ZFYVE16: variants seen among roughly 807,000 people sequenced by gnomAD.
The protein encoded by ZFYVE16 is zinc finger FYVE-type containing 16.
Under a neutral mutation model 138.1 loss-of-function variants are expected in ZFYVE16, and 89 were observed. That is an observed-to-expected ratio of 0.64 (90% confidence interval 0.54 to 0.77). ZFYVE16 has a LOEUF of 0.77. ZFYVE16 is among the 30% of genes least tolerant of loss of function. The pLI, the probability that ZFYVE16 is intolerant of heterozygous loss-of-function variation, is 0.00. For missense variants in ZFYVE16, 1,793 were observed against 1,786.7 expected (o/e 1.00, Z -0.06); for synonymous variants, 596 against 618.3 (o/e 0.96, Z 0.53).
Position 80,478,790 on chromosome 5 carries a change from A to G in ZFYVE16, c.*1413A>G, listed in dbSNP as rs1305863119. On this transcript the variant is annotated 3_prime_UTR_variant, in exon 19 of 19. Coordinates refer to ENST00000505560, the MANE Select transcript of ZFYVE16 (RefSeq NM_001284236.3). ...GGGCATATAGTTTGGACTGAATCAC[A>G]TCTGTAGTACTTAGCCAAAGACAAT... 1 of 152,138 alleles carries G rather than the reference A, an allele frequency of 6.6e-6. No homozygotes were observed. The highest frequency in any genetic ancestry group is 1.5e-5 in the Non-Finnish European group (1 of 67,986). 9.4% of individuals were successfully genotyped at this position (152,138 alleles called of 1,614,324 possible). A position where few individuals can be genotyped will look rare whatever the true frequency, so the allele number is the denominator to read the frequency against.
chr5:80,453,561 T>C (rs1752202545), intron 11 of ZFYVE16, among the ~76,000 whole-genome samples: 1 of 152,176 alleles, frequency 6.6e-6, no homozygotes, highest in African/African-American at 2.4e-5. Context: ...TGATAAGCTA[T>C]TTAGTGGTAA....
chr5:80,456,831 T>C (rs1752576960), intron 13 of ZFYVE16, 114 bp from the exon 14 acceptor site: 13 of 1,242,596 alleles, frequency 1.0e-5, no homozygotes, highest in Non-Finnish European at 1.4e-5. Flanking sequence ...CCCAGGGAGC[T>C]GTCCAGACCG....
At position 80,439,884 on chromosome 5, in the gene ZFYVE16, A is replaced by G. The variant is rs945147334; in HGVS notation, c.2323-52A>G. The G allele has an allele frequency of 2.0e-6, 3 of 1,477,296 alleles. No homozygotes were observed. The African/African-American group carries it at 4.2e-5, about 21-fold the overall frequency. 91.5% of individuals were successfully genotyped at this position (1,477,296 alleles called of 1,614,324 possible). A position where few individuals can be genotyped will look rare whatever the true frequency, so the allele number is the denominator to read the frequency against. On this transcript the variant is annotated intron_variant, in intron 4 of 18. Coordinates refer to ENST00000505560, the MANE Select transcript of ZFYVE16 (RefSeq NM_001284236.3). ...AGGACCTCCCCACACTGCCTCTAGT[A>G]GGTGTAAGTATTCTTGAAACAAAGA...
chr5:80,439,373 A>G (rs932341821), intron 4 of ZFYVE16, among the ~76,000 whole-genome samples: 8 of 152,192 alleles, frequency 5.3e-5, no homozygotes, highest in African/African-American at 1.2e-4. Flanking sequence ...AGACCAATCT[A>G]CAGCTAGTGT....
At chr5:80,468,055 C>T (rs1753919952) in intron 15 of ZFYVE16, among the ~76,000 whole-genome samples, 2 of 151,960 alleles carry the variant, frequency 1.3e-5, no homozygotes, top group Admixed American at 1.3e-4. Context: ...TTGATGGCAC[C>T]CATATGCTTT....
intron 15 of ZFYVE16, among the ~76,000 whole-genome samples, chr5:80,470,090 TG>T (rs1199470336): frequency 1.7e-4 from 11 of 66,578 alleles, no homozygotes; most frequent in Admixed American, 4.3e-4. Context: ...TGTGTGTGTG[TG>T]TGTGTGTGTA....
chr5:80,410,355 A>G (rs1186707967), intron 1 of ZFYVE16: 1 of 152,108 alleles, frequency 6.6e-6, no homozygotes, highest in Non-Finnish European at 1.5e-5. Context: ...ACCCTTACCA[A>G]CATCGAGTAC....
intron 2 of ZFYVE16, among the ~76,000 whole-genome samples, chr5:80,429,330 AT>A (rs1337441214): frequency 6.6e-6 from 1 of 152,208 alleles, no homozygotes; most frequent in East Asian, 1.9e-4. Flanking sequence ...TCAACTCAGA[AT>A]TTCATATCCA....
chr5:80,455,933 C>G (rs1580302859), intron 12 of ZFYVE16, 159 bp downstream of exon 12: 3 of 635,748 alleles, frequency 4.7e-6, no homozygotes, highest in Non-Finnish European at 7.6e-6. Flanking sequence ...CATTAGTGCT[C>G]AGTTTTTGAC....
At position 80,433,559 on chromosome 5, in the gene ZFYVE16, C is replaced by T. The variant is rs564297232; in HGVS notation, c.-39-550C>T. 2.0e-5 allele frequency among the ~76,000 whole-genome samples: 3 copies of T among 152,006 alleles called. No homozygotes were observed. In the South Asian group the frequency reaches 6.2e-4, roughly 32 times the overall value. On this transcript the variant is annotated intron_variant, in intron 2 of 18. Coordinates refer to ENST00000505560, the MANE Select transcript of ZFYVE16 (RefSeq NM_001284236.3). ...TACGTTAACAAACCTGCACGTTATG[C>T]ACATGTACCCTAGAACTTAAGGTAT...
intron 7 of ZFYVE16, among the ~76,000 whole-genome samples, chr5:80,445,901 C>CT (rs796531343): frequency 0.019 from 2,331 of 121,920 alleles, 63 homozygotes; most frequent in African/African-American, 0.06. Context: ...CAGATTTTAC[C>CT]TTTTTTTTTT....
chr5:80,441,927 A>G (rs768634648), intron 5 of ZFYVE16: 45 of 985,078 alleles, frequency 4.6e-5, no homozygotes, highest in Non-Finnish European at 5.4e-5. Context: ...GTATTCAGGC[A>G]CTATTCTGCA....
chr5:80,438,543 C>A lies in ZFYVE16; in HGVS notation c.1858C>A (p.Gln620Lys). The stretch of plus-strand genomic sequence containing the variant: ...AGGAGAAAAAAGCACTATTCCAGTT[C>A]AACAAGGGTTACCTACCAGTAAGTC... ...SLGEKSTIPVQQGLPTSKSEI... is the reference protein window; with the variant it reads ...SLGEKSTIPVKQGLPTSKSEI... Residue 620 changes from glutamine to lysine, a missense_variant, in exon 4 of 19, where the codon CAA becomes AAA. This residue lies in a region of ZFYVE16 where 1,295 missense variants were observed against 1,204.3 expected (regional missense o/e 1.08). Coordinates refer to ENST00000505560, the MANE Select transcript of ZFYVE16 (RefSeq NM_001284236.3). 1 of 1,613,962 alleles carries A rather than the reference C, an allele frequency of 6.2e-7. No homozygotes were observed. The highest frequency in any genetic ancestry group is 8.5e-7 in the Non-Finnish European group (1 of 1,179,930).
intron 3 of ZFYVE16, among the ~76,000 whole-genome samples, chr5:80,435,505 G>A (rs1160452381): frequency 6.6e-6 from 1 of 152,222 alleles, no homozygotes; most frequent in African/African-American, 2.4e-5. Flanking sequence ...GAAACTGGAA[G>A]TCAAAACAAA....
chr5:80,439,955 G>T lies in ZFYVE16; in HGVS notation c.2342G>T (p.Cys781Phe), dbSNP rs1216355620. 3 of 1,609,932 alleles carry T rather than the reference G, an allele frequency of 1.9e-6. No homozygotes were observed. Among genetic ancestry groups the T allele is most frequent in the Non-Finnish European group, 2.5e-6 (3 of 1,178,054 alleles). The change falls in exon 5 of 19, where the codon TGT (cysteine) becomes TTT (phenylalanine). Residue 781 changes from cysteine to phenylalanine, a missense_variant. By Grantham distance (205) the Cys-to-Phe change is radical. This residue lies in a region of ZFYVE16 where 1,295 missense variants were observed against 1,204.3 expected (regional missense o/e 1.08). Transcript: ENST00000505560. ...ACGKVFCGVC[C>F]NRKCKLQYLE... The stretch of plus-strand genomic sequence containing the variant: ...TTATAGGTATTTTGTGGTGTCTGTT[G>T]TAATAGGAAGTGTAAACTGCAATAT...
chr5:80,439,975 C>T lies in ZFYVE16; in HGVS notation c.2362C>T (p.Gln788Ter). 1 of 1,610,754 alleles carries T rather than the reference C, an allele frequency of 6.2e-7. No homozygotes were observed. The highest frequency in any genetic ancestry group is 8.5e-7 in the Non-Finnish European group (1 of 1,178,376). Reference protein sequence around the residue: ...GVCCNRKCKLQYLEKEARVCV... With the variant: ...GVCCNRKCKL Reference sequence around the variant, plus strand: ...CTGTTGTAATAGGAAGTGTAAACTGCAATATCTAGAAAAGGAAGCAAGAGT... The same window carrying T: ...CTGTTGTAATAGGAAGTGTAAACTGTAATATCTAGAAAAGGAAGCAAGAGT... The change falls in exon 5 of 19, where the codon CAA becomes TAA. Residue 788 changes from glutamine to a stop codon, truncating the protein, a stop_gained. Coordinates refer to ENST00000505560, the MANE Select transcript of ZFYVE16 (RefSeq NM_001284236.3). LOFTEE classifies it high-confidence loss of function.
intron 8 of ZFYVE16, 77 bp from the exon 9 acceptor site, chr5:80,449,514 A>G: frequency 6.8e-6 from 10 of 1,468,864 alleles, no homozygotes; most frequent in Non-Finnish European, 9.2e-6. Flanking sequence ...TGGTGGATTT[A>G]TAAATTTGTT....
Position 80,426,272 on chromosome 5 carries a change from G to GTGTGTGTGTGTA in ZFYVE16, c.-93-1219_-93-1218insGTGTGTGTGTAT, listed in dbSNP as rs1370196862. 2.3e-4 allele frequency among the ~76,000 whole-genome samples: 6 copies of GTGTGTGTGTGTA among 26,466 alleles called. 1 individual carries two copies. Among genetic ancestry groups the GTGTGTGTGTGTA allele is most frequent in the African/African-American group, 3.5e-4 (6 of 16,990 alleles). The allele number at this position is 26,466 out of a possible 152,430, so 17.4% of individuals were successfully genotyped here. A position where few individuals can be genotyped will look rare whatever the true frequency, so the allele number is the denominator to read the frequency against. ...TGTGTGTGTGTGTGTGTGTGTGTGT[G>GTGTGTGTGTGTA]TATATATATATATATATATATAATT... On this transcript the variant is annotated intron_variant, in intron 1 of 18. Coordinates refer to ENST00000505560, the MANE Select transcript of ZFYVE16 (RefSeq NM_001284236.3).
chr5:80,440,701 T>G (rs1381463440), intron 5 of ZFYVE16: 2 of 982,714 alleles, frequency 2.0e-6, no homozygotes, highest in East Asian at 1.1e-4. Flanking sequence ...TGTGTGTGTG[T>G]GTGGTGTTTT....
Sources: gnomAD v4.1 joint callset for allele counts (sites outside exome capture counted in the v4.1 genomes callset) on GRCh38, gnomAD v4.1.1 for gene constraint, gnomAD v4.1.1 regional missense constraint, MANE v1.5 for transcripts, NCBI Gene and HGNC (gene_info 2026-07-23, HGNC 2026-07-21) for gene names.